TERB1: variants seen among roughly 807,000 people sequenced by gnomAD.
The protein encoded by TERB1 is telomere repeat binding bouquet formation protein 1.
A neutral mutation model predicts 92.3 loss-of-function variants in TERB1; 63 were observed. The ratio of observed to expected loss-of-function variants is 0.68; its 90% CI spans 0.56 to 0.84. The LOEUF is 0.84. Among genes scored for constraint, TERB1 ranks in the 40% least tolerant of loss-of-function variants. The probability of loss-of-function intolerance (pLI) is 0.00; values close to 1 mark genes in which losing one functional copy is unlikely to be tolerated. For synonymous variants in TERB1, 252 were observed against 283.9 expected (o/e 0.89, Z 1.13); for missense variants, 709 against 843.7 (o/e 0.84, Z 1.98).
intron 9 of TERB1, among the ~76,000 whole-genome samples, chr16:66,781,999 G>A (rs2018646097): frequency 6.6e-6 from 1 of 152,066 alleles, no homozygotes; most frequent in Admixed American, 6.6e-5. Context: ...CCCAAGGTGT[G>A]AGAATCTTCT....
chr16:66,797,235 T>C (rs1292732333), intron 2 of TERB1, among the ~76,000 whole-genome samples: 2 of 136,792 alleles, frequency 1.5e-5, no homozygotes, highest in Admixed American at 1.5e-4. Context: ...ATTTCCTTCC[T>C]TTTTTTTTTT....
intron 5 of TERB1, 114 bp downstream of exon 5, chr16:66,790,481 T>C: frequency 2.7e-6 from 2 of 741,138 alleles, no homozygotes; most frequent in East Asian, 6.1e-5. Flanking sequence ...TAGATAAAAT[T>C]ATTCAAACAT....
chr16:66,768,257 G>T, intron 14 of TERB1, 89 bp from the exon 15 acceptor site: 2 of 1,083,712 alleles, frequency 1.8e-6, no homozygotes, highest in Non-Finnish European at 2.7e-6. Flanking sequence ...TGTGATTTTC[G>T]GTGTTTGGTG....
rs1330337636 is a variant in TERB1 at position 66,788,311 on chromosome 16, T to C, written c.272-14A>G. 1 of 1,464,052 alleles carries C rather than the reference T, an allele frequency of 6.8e-7. No homozygotes were observed. Among genetic ancestry groups the C allele is most frequent in the Non-Finnish European group, 9.0e-7 (1 of 1,113,388 alleles). The allele number at this position is 1,464,052 out of a possible 1,614,324, so 90.7% of individuals were successfully genotyped here. ...GCTGACAGTAAACTGAAATATAAAA[T>C]ATAATTTTAATTTCAATGCATTGTC... is the stretch of plus-strand genomic sequence containing the variant. On this transcript the variant is annotated splice_polypyrimidine_tract_variant and intron_variant, in intron 5 of 18. Transcript: ENST00000433154.
chr16:66,758,753 AT>A lies in TERB1; in HGVS notation c.1996+19del. On this transcript the variant is annotated intron_variant, in intron 18 of 18. Coordinates refer to ENST00000433154, the MANE Select transcript of TERB1 (RefSeq NM_001136505.2). ...CAGACCCTGTCTCAAGAAAAAAAAA[AT>A]TAAATTAAATATATTCACTTATTCC... The A allele has an allele frequency of 2.1e-6, 3 of 1,462,536 alleles. No individual in the cohort carries two copies. The highest frequency in any genetic ancestry group is 2.0e-5 in the Admixed American group (1 of 50,150). 90.6% of individuals were successfully genotyped at this position (1,462,536 alleles called of 1,614,324 possible). A position where few individuals can be genotyped will look rare whatever the true frequency, so the allele number is the denominator to read the frequency against.
At chr16:66,755,492 C>CGG (rs1452901280) in intron 18 of TERB1, among the ~76,000 whole-genome samples, 1 of 152,128 alleles carries the variant, frequency 6.6e-6, no homozygotes, top group Non-Finnish European at 1.5e-5. Context: ...AACATCTTAC[C>CGG]GGCCAGGCAC....
chr16:66,775,709 A>AC lies in TERB1; in HGVS notation c.986-467_986-466insG, dbSNP rs1555508517. ...TAGAGAAACACATAGTTTCAAAAGGATTTTTTTTTTTTTTTTTTTGAGAGG... is the reference window on the plus strand; with the variant it reads ...TAGAGAAACACATAGTTTCAAAAGGACTTTTTTTTTTTTTTTTTTTGAGAGG... On this transcript the variant is annotated intron_variant, in intron 11 of 18. Coordinates refer to ENST00000433154, the MANE Select transcript of TERB1 (RefSeq NM_001136505.2). Among the ~76,000 whole-genome samples, 16 of 129,594 alleles carry AC rather than the reference A, an allele frequency of 1.2e-4. No homozygotes were observed. In the East Asian group the frequency reaches 3.5e-3, roughly 29 times the overall value. The allele number at this position is 129,594 out of a possible 152,430, so 85.0% of individuals were successfully genotyped here. A position where few individuals can be genotyped will look rare whatever the true frequency, so the allele number is the denominator to read the frequency against.
chr16:66,787,792 G>A (rs1047750284), intron 6 of TERB1, among the ~76,000 whole-genome samples: 7 of 152,106 alleles, frequency 4.6e-5, no homozygotes, highest in African/African-American at 1.7e-4. Flanking sequence ...GTATTCCTCA[G>A]AGGTGAGGTT....
intron 12 of TERB1, among the ~76,000 whole-genome samples, chr16:66,773,605 T>C (rs941879197): frequency 2.0e-5 from 3 of 152,198 alleles, no homozygotes; most frequent in Non-Finnish European, 4.4e-5. Flanking sequence ...TAATTAACTC[T>C]AGACATTCAG....
chr16:66,776,221 C>T (rs1454298626), intron 11 of TERB1, among the ~76,000 whole-genome samples: 7 of 150,424 alleles, frequency 4.7e-5, no homozygotes, highest in South Asian at 2.1e-4. Context: ...CCCAGCTACT[C>T]GGGAGGCTGA....
At chr16:66,796,173 A>G (rs1297991521) in intron 3 of TERB1, among the ~76,000 whole-genome samples, 1 of 152,254 alleles carries the variant, frequency 6.6e-6, no homozygotes, top group Non-Finnish European at 1.5e-5. Context: ...GTTTACCATT[A>G]ACATAACAAA....
At chr16:66,759,768 A>G (rs1169827009) in intron 16 of TERB1, among the ~76,000 whole-genome samples, 3 of 144,550 alleles carry the variant, frequency 2.1e-5, no homozygotes, top group Non-Finnish European at 4.5e-5. Context: ...ACTGTACTCC[A>G]GCCTGGGCGA....
intron 10 of TERB1, 93 bp downstream of exon 10, chr16:66,778,770 C>A (rs1281804600): frequency 3.8e-6 from 4 of 1,064,768 alleles, no homozygotes; most frequent in East Asian, 5.7e-5. Context: ...TTAGTCTAAA[C>A]CATGTTACTA....
At chr16:66,757,047 T>C (rs1268951793) in intron 18 of TERB1, among the ~76,000 whole-genome samples, 1 of 152,154 alleles carries the variant, frequency 6.6e-6, no homozygotes, top group Non-Finnish European at 1.5e-5. Context: ...TAAAGTATAA[T>C]TAAATGAACG....
chr16:66,774,715 C>T (rs565951030), intron 12 of TERB1, among the ~76,000 whole-genome samples: 179 of 146,640 alleles, frequency 1.2e-3, no homozygotes, highest in African/African-American at 4.4e-3. Context: ...CAGGGTCTCA[C>T]TCTATGACCC....
chr16:66,759,937 A>G (rs1489360771), intron 16 of TERB1, among the ~76,000 whole-genome samples: 1 of 150,050 alleles, frequency 6.7e-6, no homozygotes, highest in African/African-American at 2.5e-5. Flanking sequence ...GTTTGAGACC[A>G]GCCTGGCCAA....
At chr16:66,761,925 C>T (rs1186281980) in intron 16 of TERB1, among the ~76,000 whole-genome samples, 1 of 151,998 alleles carries the variant, frequency 6.6e-6, no homozygotes, top group Admixed American at 6.5e-5. Flanking sequence ...TATTGGCGCG[C>T]CCCTGTAATC....
rs954231969 is a variant in TERB1 at position 66,755,166 on chromosome 16, A to G, written c.1997-3T>C. ...GTTTTTGCGAATTCTTCTTTTTTCT[A>G]TAATTAGAATTGTAGAATATATTAG... On this transcript the variant is annotated splice_polypyrimidine_tract_variant and splice_region_variant and intron_variant, in intron 18 of 18. Transcript: ENST00000433154. 2.7e-6 allele frequency: 4 copies of G among 1,480,356 alleles called. No individual in the cohort carries two copies. The highest frequency in any genetic ancestry group is 2.0e-5 in the Admixed American group (1 of 50,264). 91.7% of individuals were successfully genotyped at this position (1,480,356 alleles called of 1,614,324 possible).
chr16:66,793,727 G>A (rs1420615169), intron 3 of TERB1, among the ~76,000 whole-genome samples: 1 of 151,978 alleles, frequency 6.6e-6, no homozygotes, highest in African/African-American at 2.4e-5. Flanking sequence ...TGCCCAGGGT[G>A]GTTTCGAACT....
Sources: allele counts gnomAD v4.1 joint callset (sites outside exome capture counted in the v4.1 genomes callset), GRCh38; gene constraint gnomAD v4.1.1; transcripts MANE v1.5; gene names NCBI Gene and HGNC (gene_info 2026-07-23, HGNC 2026-07-21).